The following CRBN variants were observed in gnomAD, a reference collection of about 807,000 sequenced individuals.
CRBN encodes the protein cereblon.
Under a neutral mutation model 62.2 loss-of-function variants are expected in CRBN, and 53 were observed. The observed-to-expected ratio is 0.85, with a 90% CI of 0.68 to 1.07. The LOEUF (loss-of-function observed/expected upper bound fraction) is 1.07, where lower values mean the gene tolerates loss of function less well. Among genes scored for constraint, CRBN ranks in the 50% least tolerant of loss-of-function variants. CRBN has a pLI of 0.00. For synonymous variants in CRBN, 208 were observed against 176.1 expected (o/e 1.18, Z -1.43); for missense variants, 616 against 531.1 (o/e 1.16, Z -1.57).
chr3:3,158,403 T>C (rs185174700), intron 5 of CRBN, among the ~76,000 whole-genome samples: 4 of 152,300 alleles, frequency 2.6e-5, no homozygotes, highest in Admixed American at 2.6e-4. Flanking sequence ...CCAAAGGTGA[T>C]CTGAGATGGC....
chr3:3,160,657 G>C (rs1348469380), intron 5 of CRBN, among the ~76,000 whole-genome samples: 1 of 152,138 alleles, frequency 6.6e-6, no homozygotes, highest in Non-Finnish European at 1.5e-5. Flanking sequence ...CCTGGAACAA[G>C]GTGAAACAGA....
chr3:3,178,274 C>T (rs1707913455), intron 1 of CRBN, among the ~76,000 whole-genome samples: 1 of 152,186 alleles, frequency 6.6e-6, no homozygotes, highest in African/African-American at 2.4e-5. Context: ...TCGAGAACAA[C>T]CAGTGACTAT....
At chr3:3,163,627 C>A (rs1213449442) in intron 5 of CRBN, among the ~76,000 whole-genome samples, 1 of 152,178 alleles carries the variant, frequency 6.6e-6, no homozygotes, top group East Asian at 1.9e-4. Context: ...ACAGAACTAG[C>A]TGTACAGAGC....
At chr3:3,159,727 A>G (rs544762576) in intron 5 of CRBN, among the ~76,000 whole-genome samples, 44 of 152,270 alleles carry the variant, frequency 2.9e-4, no homozygotes, top group Non-Finnish European at 4.1e-4. Context: ...GTGTTAGTCA[A>G]TTAGACACAC....
At position 3,174,196 on chromosome 3, in the gene CRBN, C is replaced by T. The variant is rs906347069; in HGVS notation, c.240G>A (p.Val80=). ...TCATCACTTGTGGAAGAACTGGAAT[C>T]ACCTGACAGCTGTCGTCATCGTGCA... is the stretch of plus-strand genomic sequence containing the variant. ...RTLHDDDSCQ[V]IPVLPQVMMI... is the part of the protein sequence containing the mutation. Residue 80 remains valine (V), a synonymous_variant, in exon 3 of 11, where the codon GTG becomes GTA. Coordinates refer to ENST00000231948, the MANE Select transcript of CRBN (RefSeq NM_016302.4). The T allele has an allele frequency of 6.2e-7, 1 of 1,614,206 alleles. No individual in the cohort carries two copies. Among genetic ancestry groups the T allele is most frequent in the Non-Finnish European group, 8.5e-7 (1 of 1,180,028 alleles).
rs1164018123 is a variant in CRBN, at chr3:3,167,758, C to A, written c.563G>T (p.Cys188Phe). ...QQAKVQILPE[C>F]VLPSTMSAVQ... Reference sequence around the variant, plus strand: ...TGCAGACATGGTTGAAGGCAACACACATTCGGGAAGAATTTGCACTTTAGC... The same window carrying A: ...TGCAGACATGGTTGAAGGCAACACAAATTCGGGAAGAATTTGCACTTTAGC... The change falls in exon 5 of 11, where the codon TGT becomes TTT. Residue 188 changes from cysteine (C) to phenylalanine (F), a missense_variant. Cys to Phe is a radical substitution (Grantham distance 205, BLOSUM62 -2). Coordinates refer to ENST00000231948, the MANE Select transcript of CRBN (RefSeq NM_016302.4). 6.2e-7 allele frequency: 1 copy of A among 1,613,594 alleles called. No individual in the cohort carries two copies. Among genetic ancestry groups the A allele is most frequent in the South Asian group, 1.1e-5 (1 of 91,072 alleles).
chr3:3,151,027 G>A lies in CRBN; in HGVS notation c.1167C>T (p.Ala389=), dbSNP rs1340194054. Residue 389 remains alanine, a synonymous_variant, in exon 11 of 11, where the codon GCC becomes GCT. Coordinates refer to ENST00000231948, the MANE Select transcript of CRBN (RefSeq NM_016302.4). ...TATGGCTTGCACAGATCTTACACTGGGCAACAGTCCAGGCATACCTAAGAA... is the reference window on the plus strand; with the variant it reads ...TATGGCTTGCACAGATCTTACACTGAGCAACAGTCCAGGCATACCTAAGAA... ...SWFPGYAWTV[A]QCKICASHIG... The A allele has an allele frequency of 1.2e-6, 2 of 1,613,720 alleles. No homozygotes were observed. Among genetic ancestry groups the A allele is most frequent in the East Asian group, 2.2e-5 (1 of 44,860 alleles).
intron 10 of CRBN, among the ~76,000 whole-genome samples, chr3:3,152,065 T>C (rs1447906684): frequency 1.3e-5 from 2 of 152,188 alleles, no homozygotes; most frequent in Non-Finnish European, 2.9e-5. Context: ...TTGTCAACCT[T>C]TTCTTCCTTT....
chr3:3,174,263 TA>T lies in CRBN; in HGVS notation c.175-3del. On this transcript the variant is annotated splice_polypyrimidine_tract_variant and splice_region_variant and intron_variant, in intron 2 of 10. Coordinates refer to ENST00000231948, the MANE Select transcript of CRBN (RefSeq NM_016302.4). ...TTCTTCCATATCAGCACCTAGGTAC[TA>T]TATAAAAACATATATAGGTATAGTG... 1 of 1,591,602 alleles carries T rather than the reference TA, an allele frequency of 6.3e-7. No homozygotes were observed.
chr3:3,176,078 T>G (rs1707815706), intron 1 of CRBN, among the ~76,000 whole-genome samples: 1 of 152,120 alleles, frequency 6.6e-6, no homozygotes, highest in Non-Finnish European at 1.5e-5. Context: ...AATCACTAGG[T>G]GTAGCCTCCA....
At chr3:3,158,646 T>G (rs967041724) in intron 5 of CRBN, among the ~76,000 whole-genome samples, 9 of 152,200 alleles carry the variant, frequency 5.9e-5, no homozygotes, top group Non-Finnish European at 1.0e-4. Flanking sequence ...AATTTCACAT[T>G]TCTTGTAAGA....
At chr3:3,161,904 A>T (rs1707155738) in intron 5 of CRBN, among the ~76,000 whole-genome samples, 1 of 152,228 alleles carries the variant, frequency 6.6e-6, no homozygotes, top group South Asian at 2.1e-4. Flanking sequence ...TCTATAAACT[A>T]ATACAAAAGA....
chr3:3,159,360 G>A (rs565094344), intron 5 of CRBN, among the ~76,000 whole-genome samples: 10 of 151,956 alleles, frequency 6.6e-5, no homozygotes, highest in South Asian at 2.1e-4. Flanking sequence ...TTTTAGTTTC[G>A]CTGACACACT....
At chr3:3,173,516 T>C (rs976215592) in intron 3 of CRBN, among the ~76,000 whole-genome samples, 1 of 152,218 alleles carries the variant, frequency 6.6e-6, no homozygotes, top group Non-Finnish European at 1.5e-5. Flanking sequence ...TCTTTCACTC[T>C]GTCAAATGAC....
intron 6 of CRBN, 41 bp from the exon 7 acceptor site, chr3:3,154,872 T>A: frequency 9.1e-7 from 1 of 1,104,094 alleles, no homozygotes; most frequent in Non-Finnish European, 1.4e-6. Flanking sequence ...GTTCATGGGC[T>A]TATTAAAATT....
At chr3:3,159,862 C>T (rs1193652757) in intron 5 of CRBN, among the ~76,000 whole-genome samples, 1 of 152,184 alleles carries the variant, frequency 6.6e-6, no homozygotes, top group Non-Finnish European at 1.5e-5. Flanking sequence ...ATAGGAAAGG[C>T]TCCTGTCTTA....
At chr3:3,169,993 C>G (rs559956100) in intron 4 of CRBN, among the ~76,000 whole-genome samples, 4 of 145,740 alleles carry the variant, frequency 2.7e-5, no homozygotes, top group Non-Finnish European at 4.5e-5. Flanking sequence ...TACTTTTTTT[C>G]TTTTTTGAGA....
At chr3:3,173,862 GAGTT>G in intron 3 of CRBN, 193 bp downstream of exon 3, 1 of 612,496 alleles carries the variant, frequency 1.6e-6, no homozygotes, top group Non-Finnish European at 2.9e-6. Context: ...GTGAAGAGCT[GAGTT>G]AGATGGTAAT....
At chr3:3,177,795 T>C (rs1707886286) in intron 1 of CRBN, among the ~76,000 whole-genome samples, 1 of 152,222 alleles carries the variant, frequency 6.6e-6, no homozygotes, top group South Asian at 2.1e-4. Context: ...AATGTTTCAT[T>C]TGCCTAGGAT....
Sources: allele counts gnomAD v4.1 joint callset (sites outside exome capture counted in the v4.1 genomes callset), GRCh38; gene constraint gnomAD v4.1.1; transcripts MANE v1.5; gene names NCBI Gene and HGNC (gene_info 2026-07-23, HGNC 2026-07-21).